MMS22L: variants seen among roughly 807,000 people sequenced by gnomAD.
The protein encoded by MMS22L is MMS22 like, DNA repair protein, also known as protein MMS22-like.
MMS22L carries 74 observed loss-of-function variants against 159.1 expected under a neutral mutation model. That is an observed-to-expected ratio of 0.47 (90% confidence interval 0.39 to 0.56). The LOEUF is 0.56. Among genes scored for constraint, MMS22L ranks in the 20% least tolerant of loss-of-function variants. The pLI is 0.00. For missense variants in MMS22L, 1,351 were observed against 1,422.1 expected, an observed-to-expected ratio of 0.95 and a Z score of 0.80; for synonymous variants, 517 against 506.9, an observed-to-expected ratio of 1.02 and a Z score of -0.27.
chr6:97,270,068 TC>T, intron 6 of MMS22L, 76 bp from the exon 7 acceptor site: 4 of 1,131,218 alleles, frequency 3.5e-6, no homozygotes, highest in Non-Finnish European at 4.0e-6. Context: ...GTCACAATAC[TC>T]CTCCATAAAC....
In MMS22L at chr6:97,274,911, T is replaced by TA. The variant is rs374475352; in HGVS notation, c.341-1850dup. Among the ~76,000 whole-genome samples the TA allele has an allele frequency of 7.2e-4, 110 of 152,262 alleles. 1 individual carries two copies. Among genetic ancestry groups the TA allele is most frequent in the African/African-American group, 2.5e-3 (102 of 41,556 alleles). Reference sequence around the variant, plus strand: ...GCAAGCATGAAAAAAAATCTCATAATAGACTACGCACGAGAAAGAATTCTC... The same window carrying TA: ...GCAAGCATGAAAAAAAATCTCATAATAAGACTACGCACGAGAAAGAATTCTC... On this transcript the variant is annotated intron_variant, in intron 4 of 24. Transcript: ENST00000683635.
chr6:97,147,029 T>C, intron 24 of MMS22L, 142 bp from the exon 25 acceptor site: 1 of 534,854 alleles, frequency 1.9e-6, no homozygotes, highest in Non-Finnish European at 3.3e-6. Flanking sequence ...CAACACTTCT[T>C]AAAAAGTAAT....
At chr6:97,255,610 C>G (rs1163319288) in intron 9 of MMS22L, among the ~76,000 whole-genome samples, 2 of 151,952 alleles carry the variant, frequency 1.3e-5, no homozygotes, top group Non-Finnish European at 2.9e-5. Context: ...TTTGCATATA[C>G]AGTTACAAAT....
At chr6:97,163,956 A>G (rs1419035347) in intron 21 of MMS22L, among the ~76,000 whole-genome samples, 1 of 152,068 alleles carries the variant, frequency 6.6e-6, no homozygotes, top group Admixed American at 6.6e-5. Context: ...AGAGCTAAGG[A>G]GCATGAAATT....
At chr6:97,262,627 T>G (rs571511151) in intron 9 of MMS22L, among the ~76,000 whole-genome samples, 45 of 135,032 alleles carry the variant, frequency 3.3e-4, no homozygotes, top group African/African-American at 1.2e-3. Flanking sequence ...CAGTGAGCAC[T>G]CTAGCCTGAG....
At chr6:97,208,352 T>A (rs1345990251) in intron 14 of MMS22L, among the ~76,000 whole-genome samples, 1 of 152,110 alleles carries the variant, frequency 6.6e-6, no homozygotes, top group African/African-American at 2.4e-5. Flanking sequence ...ATCTATATAA[T>A]CACCATTCAA....
intron 22 of MMS22L, among the ~76,000 whole-genome samples, chr6:97,157,321 G>T (rs1382163373): frequency 6.6e-6 from 1 of 152,092 alleles, no homozygotes; most frequent in Non-Finnish European, 1.5e-5. Context: ...GCTTTCTCTT[G>T]CCTGACTGTC....
chr6:97,196,102 T>C (rs1806471442), intron 14 of MMS22L, among the ~76,000 whole-genome samples: 1 of 152,194 alleles, frequency 6.6e-6, no homozygotes, highest in South Asian at 2.1e-4. Context: ...GGAATCATTC[T>C]ACCTAATAGT....
At chr6:97,154,326 T>A (rs2078199371) in intron 22 of MMS22L, among the ~76,000 whole-genome samples, 2 of 152,192 alleles carry the variant, frequency 1.3e-5, no homozygotes, top group Non-Finnish European at 2.9e-5. Flanking sequence ...CCACTTATTC[T>A]TAAGAGTTAT....
intron 23 of MMS22L, among the ~76,000 whole-genome samples, 172 bp from the exon 24 acceptor site, chr6:97,150,192 G>C (rs966232415): frequency 1.3e-5 from 2 of 152,122 alleles, no homozygotes; most frequent in African/African-American, 4.8e-5. Flanking sequence ...ATAAAGAATT[G>C]AAGTGGCTTA....
chr6:97,149,702 G>A, intron 24 of MMS22L, 151 bp downstream of exon 24: 1 of 714,592 alleles, frequency 1.4e-6, no homozygotes, highest in Non-Finnish European at 2.1e-6. Context: ...TTCACACTTT[G>A]TAAAACTGAT....
At chr6:97,197,106 C>A (rs576638728) in intron 14 of MMS22L, among the ~76,000 whole-genome samples, 33 of 152,032 alleles carry the variant, frequency 2.2e-4, no homozygotes, top group Non-Finnish European at 4.6e-4. Flanking sequence ...TTAAGTTTTA[C>A]AGCATCACAA....
intron 8 of MMS22L, 121 bp from the exon 9 acceptor site, chr6:97,263,569 C>G (rs1244945780): frequency 2.2e-6 from 1 of 452,976 alleles, no homozygotes; most frequent in Non-Finnish European, 3.8e-6. Context: ...CTCAATTAGA[C>G]AAAATTATTT....
chr6:97,165,364 G>T lies in MMS22L; in HGVS notation c.3103C>A (p.Leu1035Ile), dbSNP rs1802857134. 2 of 1,613,286 alleles carry T rather than the reference G, an allele frequency of 1.2e-6. No individual in the cohort carries two copies. The highest frequency in any genetic ancestry group is 1.7e-6 in the Non-Finnish European group (2 of 1,179,644). ...TCTGAAACATATGGTGAAGCTGGAA[G>T]AAATCGCCCAATATACTGCTCAATA... Reference protein sequence around the residue: ...NVIEQYIGRFLPASPYVSDLG... With the variant: ...NVIEQYIGRFIPASPYVSDLG... Residue 1035 changes from leucine to isoleucine, a missense_variant, in exon 21 of 25, where the codon CTT (leucine) becomes ATT (isoleucine). Physicochemically the swap from Leu to Ile is conservative, Grantham distance 5. Transcript: ENST00000683635.
chr6:97,168,647 G>C (rs1347779141), intron 19 of MMS22L, among the ~76,000 whole-genome samples: 1 of 151,942 alleles, frequency 6.6e-6, no homozygotes, highest in East Asian at 1.9e-4. Context: ...TATACTACAA[G>C]TATTCCAAAA....
intron 14 of MMS22L, among the ~76,000 whole-genome samples, chr6:97,203,312 T>TATTTA (rs34171942): frequency 1.3e-5 from 2 of 152,130 alleles, no homozygotes; most frequent in African/African-American, 2.4e-5. Context: ...TTTATTTATT[T>TATTTA]TTTTTACTGT....
intron 14 of MMS22L, among the ~76,000 whole-genome samples, chr6:97,226,776 G>T (rs1810306241): frequency 1.3e-5 from 2 of 152,056 alleles, no homozygotes; most frequent in South Asian, 4.2e-4. Flanking sequence ...CTATGGATTA[G>T]AACTAGAGCA....
intron 14 of MMS22L, among the ~76,000 whole-genome samples, chr6:97,214,738 A>AT (rs1226324182): frequency 7.2e-6 from 1 of 139,506 alleles, no homozygotes; most frequent in Non-Finnish European, 1.5e-5. Flanking sequence ...TTTTTCTTCC[A>AT]TCCCACCTCC....
At chr6:97,231,328 A>AT in intron 13 of MMS22L, 98 bp downstream of exon 13, 1 of 842,160 alleles carries the variant, frequency 1.2e-6, no homozygotes, top group South Asian at 1.7e-5. Context: ...ATTATAACTA[A>AT]TTAAGACTCT....
Sources: allele counts gnomAD v4.1 joint callset (sites outside exome capture counted in the v4.1 genomes callset), GRCh38; gene constraint gnomAD v4.1.1; transcripts MANE v1.5; gene names NCBI Gene and HGNC (gene_info 2026-07-23, HGNC 2026-07-21).